The following CNTN3 variants were observed in gnomAD, a reference collection of about 807,000 sequenced individuals.
The protein encoded by CNTN3 is contactin-3.
CNTN3 carries 60 observed loss-of-function variants against 119.1 expected under a neutral mutation model. The ratio of observed to expected loss-of-function variants is 0.50; its 90% CI spans 0.41 to 0.62. The LOEUF is 0.62. Ranked by LOEUF, CNTN3 falls within the 20% of genes least tolerant of loss-of-function variation. CNTN3 has a pLI of 0.00. For missense variants in CNTN3, 1,101 were observed against 1,242.4 expected (o/e 0.89, Z 1.71); for synonymous variants, 450 against 438.7 (o/e 1.03, Z -0.32).
intron 5 of CNTN3, among the ~76,000 whole-genome samples, chr3:74,398,759 C>A (rs912434054): frequency 7.2e-5 from 11 of 152,196 alleles, no homozygotes; most frequent in Admixed American, 2.0e-4. Flanking sequence ...CTTAAAGACA[C>A]TTAGGTAAGG....
intron 20 of CNTN3, among the ~76,000 whole-genome samples, chr3:74,282,053 C>A (rs914888375): frequency 6.6e-6 from 1 of 152,162 alleles, no homozygotes; most frequent in Non-Finnish European, 1.5e-5. Flanking sequence ...AAGCCATCTG[C>A]AAATTTTATT....
rs550419012 is a variant in CNTN3 at position 74,591,782 on chromosome 3, G to A, written c.-81+22609C>T. ...AAGCTATGTCTGGGAAAAAGGATGA[G>A]TTCAGGTTCAGACATCCTTGAGTTG... On this transcript the variant is annotated intron_variant, in intron 1 of 22. Coordinates refer to ENST00000263665, the MANE Select transcript of CNTN3 (RefSeq NM_020872.3). 2.0e-5 allele frequency among the ~76,000 whole-genome samples: 3 copies of A among 152,050 alleles called. No individual in the cohort carries two copies. The South Asian group carries it at 6.2e-4, about 31-fold the overall frequency.
At chr3:74,379,372 T>C (rs1575672667) in intron 5 of CNTN3, among the ~76,000 whole-genome samples, 1 of 152,136 alleles carries the variant, frequency 6.6e-6, no homozygotes, top group African/African-American at 2.4e-5. Context: ...GTCAGGCTGG[T>C]CTTGAACTCC....
At chr3:74,608,100 T>C (rs1348141277) in intron 1 of CNTN3, among the ~76,000 whole-genome samples, 1 of 152,160 alleles carries the variant, frequency 6.6e-6, no homozygotes, top group Non-Finnish European at 1.5e-5. Context: ...AAAATTACTT[T>C]AAAACAAAAA....
intron 1 of CNTN3, among the ~76,000 whole-genome samples, chr3:74,555,255 T>C (rs1189074628): frequency 6.6e-6 from 1 of 152,162 alleles, no homozygotes; most frequent in African/African-American, 2.4e-5. Context: ...GCATTCCAGG[T>C]AGGAAGTCGA....
chr3:74,437,273 A>G (rs533770112), intron 4 of CNTN3, among the ~76,000 whole-genome samples: 199 of 152,226 alleles, frequency 1.3e-3, no homozygotes, highest in African/African-American at 4.4e-3. Context: ...CCTGGTTATC[A>G]TGGTGAATGA....
intron 11 of CNTN3, among the ~76,000 whole-genome samples, chr3:74,344,024 T>C (rs1181810325): frequency 1.3e-5 from 2 of 152,256 alleles, no homozygotes; most frequent in Non-Finnish European, 2.9e-5. Context: ...CCAAGATTTC[T>C]GGAGCCAGTT....
chr3:74,358,947 T>G (rs1036397248), intron 11 of CNTN3, among the ~76,000 whole-genome samples: 1 of 152,048 alleles, frequency 6.6e-6, no homozygotes, highest in Non-Finnish European at 1.5e-5. Flanking sequence ...AACTCATCAT[T>G]TTTTATGGCT....
At chr3:74,600,861 A>T (rs1397150166) in intron 1 of CNTN3, among the ~76,000 whole-genome samples, 1 of 151,932 alleles carries the variant, frequency 6.6e-6, no homozygotes, top group African/African-American at 2.4e-5. Context: ...AACTCTCCAA[A>T]TCTGGAGGAG....
chr3:74,521,572 T>C (rs1402726431), intron 1 of CNTN3, among the ~76,000 whole-genome samples: 1 of 151,816 alleles, frequency 6.6e-6, no homozygotes, highest in Non-Finnish European at 1.5e-5. Context: ...AATAAGCAGA[T>C]ATCTTGAAGC....
At chr3:74,337,027 T>G (rs2106714058) in intron 11 of CNTN3, among the ~76,000 whole-genome samples, 1 of 152,268 alleles carries the variant, frequency 6.6e-6, no homozygotes, top group Non-Finnish European at 1.5e-5. Flanking sequence ...TAATCAATTT[T>G]AAAGAAATGC....
chr3:74,281,366 T>G (rs1187056224), intron 20 of CNTN3, among the ~76,000 whole-genome samples: 2 of 152,190 alleles, frequency 1.3e-5, no homozygotes, highest in Non-Finnish European at 2.9e-5. Flanking sequence ...GGTTTTACTC[T>G]GTTGCCCACG....
chr3:74,400,371 C>A (rs772000262), intron 5 of CNTN3, among the ~76,000 whole-genome samples: 61 of 152,184 alleles, frequency 4.0e-4, no homozygotes, highest in Non-Finnish European at 8.7e-4. Flanking sequence ...ACGGCACCGT[C>A]CCAGTTGGGG....
rs142720507 is a variant in CNTN3, at chr3:74,356,824, C to T, written c.1364+5066G>A. Among the ~76,000 whole-genome samples the T allele has an allele frequency of 2.1e-3, 326 of 152,218 alleles. 3 individuals carry two copies. Among genetic ancestry groups the T allele is most frequent in the African/African-American group, 7.5e-3 (312 of 41,508 alleles). On this transcript the variant is annotated intron_variant, in intron 11 of 22. Transcript: ENST00000263665. ...TCAAAGTGATTCTATAATTTAGGTG[C>T]CTCACTGACTGAGATCCACATGATC...
intron 1 of CNTN3, among the ~76,000 whole-genome samples, chr3:74,525,785 A>G (rs1047053981): frequency 3.3e-5 from 5 of 151,896 alleles, no homozygotes; most frequent in African/African-American, 9.7e-5. Context: ...AAAAAATGCT[A>G]GACCTTGGAC....
At chr3:74,422,633 A>G (rs1019245217) in intron 5 of CNTN3, among the ~76,000 whole-genome samples, 79 of 152,210 alleles carry the variant, frequency 5.2e-4, no homozygotes, top group African/African-American at 1.9e-3. Context: ...CGATCAATGA[A>G]TGTATCTAAT....
intron 1 of CNTN3, among the ~76,000 whole-genome samples, chr3:74,609,549 G>C (rs1171471540): frequency 2.6e-5 from 4 of 152,166 alleles, no homozygotes; most frequent in Non-Finnish European, 5.9e-5. Flanking sequence ...TTAGGAAACG[G>C]ATTGAGAGGA....
intron 11 of CNTN3, among the ~76,000 whole-genome samples, chr3:74,351,996 CT>C (rs1353155476): frequency 6.6e-6 from 1 of 152,160 alleles, no homozygotes; most frequent in Non-Finnish European, 1.5e-5. Flanking sequence ...CTCTAGAACT[CT>C]TGCTTATTTA....
intron 19 of CNTN3, among the ~76,000 whole-genome samples, chr3:74,289,183 A>G (rs1311775309): frequency 6.6e-6 from 1 of 152,176 alleles, no homozygotes; most frequent in Non-Finnish European, 1.5e-5. Flanking sequence ...AAGAAAAGAC[A>G]TATTTTTATC....
Sources: gnomAD v4.1 joint callset for allele counts (sites outside exome capture counted in the v4.1 genomes callset) on GRCh38, gnomAD v4.1.1 for gene constraint, MANE v1.5 for transcripts, NCBI Gene and HGNC (gene_info 2026-07-23, HGNC 2026-07-21) for gene names.